RNPEP: variants seen among roughly 807,000 people sequenced by gnomAD.
RNPEP encodes the protein arginyl aminopeptidase.
A neutral mutation model predicts 70.1 loss-of-function variants in RNPEP; 57 were observed. That is an observed-to-expected ratio of 0.81 (90% CI 0.66 to 1.01). RNPEP has a LOEUF of 1.01. RNPEP is among the 50% of genes least tolerant of loss of function. RNPEP has a pLI of 0.00. For missense variants in RNPEP, 787 were observed against 852.4 expected, an observed-to-expected ratio of 0.92 and a Z score of 0.96; for synonymous variants, 335 against 357.4, an observed-to-expected ratio of 0.94 and a Z score of 0.71.
intron 5 of RNPEP, 142 bp downstream of exon 5, chr1:201,997,696 T>A: frequency 1.7e-6 from 1 of 578,178 alleles, no homozygotes; most frequent in Middle Eastern, 3.7e-4. Context: ...TTTCTGTATG[T>A]ATGAATTGTC....
Position 201,982,822 on chromosome 1 carries a change from C to T in RNPEP, c.156C>T (p.Pro52=). Residue 52 remains proline (P), a synonymous_variant, in exon 1 of 11, where the codon CCC becomes CCT. Coordinates refer to ENST00000295640, the MANE Select transcript of RNPEP (RefSeq NM_020216.4). ...GGGCTGAGTTCGGGCCTCCAGGGCC[C>T]GGCGCAGGGAGCCGGGGGCTGAGCG... is the stretch of plus-strand genomic sequence containing the variant. The part of the protein sequence containing the change: ...DLRAEFGPPG[P]GAGSRGLSGT... 7.5e-7 allele frequency: 1 copy of T among 1,333,566 alleles called. No individual in the cohort carries two copies. The highest frequency in any genetic ancestry group is 9.6e-7 in the Non-Finnish European group (1 of 1,042,172). The allele number at this position is 1,333,566 out of a possible 1,614,324, so 82.6% of individuals were successfully genotyped here.
Position 201,982,716 on chromosome 1 carries a change from T to C in RNPEP, c.50T>C (p.Leu17Pro). The C allele has an allele frequency of 1.4e-6, 2 of 1,404,440 alleles. No homozygotes were observed. Among genetic ancestry groups the C allele is most frequent in the Non-Finnish European group, 1.9e-6 (2 of 1,073,980 alleles). The allele number at this position is 1,404,440 out of a possible 1,614,324, so 87.0% of individuals were successfully genotyped here. ...GGCAGCGGCGCGGCCCGGCGGCCGC[T>C]GCACTCCGCGCAGGCTGTGGACGTG... The part of the protein sequence containing the change: ...SPGSGAARRP[L>P]HSAQAVDVAS... The change falls in exon 1 of 11, where the codon CTG becomes CCG. Residue 17 changes from leucine (L) to proline (P), a missense_variant. Transcript: ENST00000295640.
In RNPEP at chr1:202,005,769, ATTGT is replaced by A. The variant is rs891361284; in HGVS notation, c.*59_*62del. 3.3e-5 allele frequency: 53 copies of A among 1,593,964 alleles called. No individual in the cohort carries two copies. In the African/African-American group the frequency reaches 6.5e-4, roughly 19 times the overall value. The stretch of plus-strand genomic sequence containing the variant: ...TCAGGCTCTCCAGGCTTTCAGAATA[ATTGT>A]TTGTTCCCAAATTCCTGTTCCCTGA... On this transcript the variant is annotated 3_prime_UTR_variant, in exon 11 of 11. Coordinates refer to ENST00000295640, the MANE Select transcript of RNPEP (RefSeq NM_020216.4).
chr1:202,006,066 A>G lies in RNPEP; in HGVS notation c.*350A>G. 4.5e-6 allele frequency: 1 copy of G among 221,822 alleles called. No homozygotes were observed. Among genetic ancestry groups the G allele is most frequent in the Non-Finnish European group, 9.1e-6 (1 of 110,254 alleles). The allele number at this position is 221,822 out of a possible 1,614,324, so 13.7% of individuals were successfully genotyped here. ...TTCTGTCCTTTTTCTTGCTGATTTTATGCAAAGGGCTGGCATTCTGATTGT... is the reference window on the plus strand; with the variant it reads ...TTCTGTCCTTTTTCTTGCTGATTTTGTGCAAAGGGCTGGCATTCTGATTGT... On this transcript the variant is annotated 3_prime_UTR_variant, in exon 11 of 11. Coordinates refer to ENST00000295640, the MANE Select transcript of RNPEP (RefSeq NM_020216.4).
chr1:201,999,872 T>TC (rs1365790064), intron 5 of RNPEP, 30 bp from the exon 6 acceptor site: 1 of 1,575,982 alleles, frequency 6.3e-7, no homozygotes. Context: ...ACAGACGTTT[T>TC]CCCGAGGCTT....
chr1:201,986,750 G>A (rs1222764103), intron 1 of RNPEP, among the ~76,000 whole-genome samples: 1 of 151,690 alleles, frequency 6.6e-6, no homozygotes, highest in East Asian at 1.9e-4. Flanking sequence ...GTGTTGGCCA[G>A]GCTGGTCTTG....
intron 1 of RNPEP, among the ~76,000 whole-genome samples, chr1:201,985,389 C>T (rs918027424): frequency 1.3e-5 from 2 of 151,898 alleles, no homozygotes; most frequent in Non-Finnish European, 2.9e-5. Flanking sequence ...TAGCTGGGAC[C>T]AACCACAGAC....
At chr1:201,990,714 C>G (rs560290994) in intron 3 of RNPEP, among the ~76,000 whole-genome samples, 3 of 152,288 alleles carry the variant, frequency 2.0e-5, no homozygotes, top group African/African-American at 7.2e-5. Flanking sequence ...GGCATCTGCT[C>G]CCAGCGCACA....
At chr1:201,996,292 C>T in intron 4 of RNPEP, 29 bp downstream of exon 4, 3 of 1,433,058 alleles carry the variant, frequency 2.1e-6, no homozygotes, top group Non-Finnish European at 2.0e-6. Context: ...TCTAGTGTCT[C>T]CTGTTAAACT....
rs181678688 is a variant in RNPEP at position 201,996,555 on chromosome 1, G to A, written c.854+292G>A. On this transcript the variant is annotated intron_variant, in intron 4 of 10. Transcript: ENST00000295640. ...GTCACCCAGGCTGGAGGGCAGTGGC[G>A]TGATCTCAGCTCACTGCAACCTCCA... 3.1e-3 allele frequency: 959 copies of A among 310,930 alleles called. 6 individuals are homozygous for A. Among genetic ancestry groups the A allele is most frequent in the Non-Finnish European group, 4.7e-3 (773 of 165,038 alleles). 19.3% of individuals were successfully genotyped at this position (310,930 alleles called of 1,614,324 possible). A position where few individuals can be genotyped will look rare whatever the true frequency, so the allele number is the denominator to read the frequency against.
chr1:201,996,346 C>T (rs908678316), intron 4 of RNPEP, 83 bp downstream of exon 4: 1 of 968,268 alleles, frequency 1.0e-6, no homozygotes, highest in African/African-American at 1.6e-5. Flanking sequence ...GCTTTTCCAC[C>T]TCCTGCCTCC....
chr1:201,991,624 G>T (rs559173659), intron 3 of RNPEP, among the ~76,000 whole-genome samples: 35 of 152,348 alleles, frequency 2.3e-4, no homozygotes, highest in Admixed American at 2.0e-3. Flanking sequence ...GTGGTGAGTG[G>T]CTTGTGCAGG....
intron 4 of RNPEP, chr1:201,996,532 C>T (rs1278147885): frequency 1.6e-5 from 5 of 318,146 alleles, no homozygotes; most frequent in Non-Finnish European, 2.9e-5. Flanking sequence ...CTCGCTCTGT[C>T]ACCCAGGCTG....
intron 3 of RNPEP, 77 bp downstream of exon 3, chr1:201,989,608 G>T (rs547970872): frequency 2.3e-5 from 35 of 1,536,084 alleles, no homozygotes; most frequent in Non-Finnish European, 2.9e-5. Flanking sequence ...GGACCTGCTG[G>T]GGGGGTTCTT....
At chr1:201,988,516 C>T (rs1683214457) in intron 1 of RNPEP, among the ~76,000 whole-genome samples, 1 of 150,362 alleles carries the variant, frequency 6.7e-6, no homozygotes, top group South Asian at 2.1e-4. Context: ...TTGAGTTCTG[C>T]TTTTCTGTGT....
chr1:201,997,349 T>G lies in RNPEP; in HGVS notation c.885T>G (p.Phe295Leu). The change falls in exon 5 of 11, where the codon TTT becomes TTG. Residue 295 changes from phenylalanine to leucine, a missense_variant. By Grantham distance (22) the Phe-to-Leu change is conservative. Transcript: ENST00000295640. Reference sequence around the variant, plus strand: ...ACTTGCTCTTCATGCCACCGTCCTTTCCATTTGGAGGAATGGAGAACCCTT... The same window carrying G: ...ACTTGCTCTTCATGCCACCGTCCTTGCCATTTGGAGGAATGGAGAACCCTT... ...RYDLLFMPPS[F>L]PFGGMENPCL... The G allele has an allele frequency of 6.2e-7, 1 of 1,614,112 alleles. No homozygotes were observed. The highest frequency in any genetic ancestry group is 1.1e-5 in the South Asian group (1 of 91,086).
intron 8 of RNPEP, among the ~76,000 whole-genome samples, chr1:202,002,288 C>T (rs1296270248): frequency 2.0e-5 from 3 of 152,042 alleles, no homozygotes; most frequent in African/African-American, 4.8e-5. Flanking sequence ...CTCAGCCTCC[C>T]GAGTAGCTGG....
chr1:202,001,080 A>T, intron 6 of RNPEP: 1 of 362,358 alleles, frequency 2.8e-6, no homozygotes, highest in Non-Finnish European at 5.1e-6. Context: ...CTCTGTCTTC[A>T]TATTAGATCC....
At position 202,005,905 on chromosome 1, in the gene RNPEP, C is replaced by T. The variant is rs1407550052; in HGVS notation, c.*189C>T. On this transcript the variant is annotated 3_prime_UTR_variant, in exon 11 of 11. Coordinates refer to ENST00000295640, the MANE Select transcript of RNPEP (RefSeq NM_020216.4). ...TGGGAACTTACTTCTCTATAGCCCACTGAGCCCCGAGACAGAGAACCTGCC... is the reference window on the plus strand; with the variant it reads ...TGGGAACTTACTTCTCTATAGCCCATTGAGCCCCGAGACAGAGAACCTGCC... 5.6e-5 allele frequency: 37 copies of T among 662,100 alleles called. No individual in the cohort carries two copies. The highest frequency in any genetic ancestry group is 8.8e-5 in the Non-Finnish European group (35 of 399,876). The allele number at this position is 662,100 out of a possible 1,614,324, so 41.0% of individuals were successfully genotyped here. A position where few individuals can be genotyped will look rare whatever the true frequency, so the allele number is the denominator to read the frequency against.
Sources: gnomAD v4.1 joint callset for allele counts (sites outside exome capture counted in the v4.1 genomes callset) on GRCh38, gnomAD v4.1.1 for gene constraint, MANE v1.5 for transcripts, NCBI Gene and HGNC (gene_info 2026-07-23, HGNC 2026-07-21) for gene names.